The following CLDN16 variants were observed in gnomAD, a reference collection of about 807,000 sequenced individuals.
CLDN16 encodes the protein claudin-16.
A neutral mutation model predicts 24.6 loss-of-function variants in CLDN16; 13 were observed. That is an observed-to-expected ratio of 0.53 (90% CI 0.34 to 0.84). CLDN16 has a LOEUF of 0.84. Ranked by LOEUF, CLDN16 falls within the 40% of genes least tolerant of loss-of-function variation. The pLI is 0.01. For missense variants in CLDN16, 298 were observed against 292.7 expected, an observed-to-expected ratio of 1.02 and a Z score of -0.13; for synonymous variants, 116 against 106.7, an observed-to-expected ratio of 1.09 and a Z score of -0.54.
At position 190,410,153 on chromosome 3, in the gene CLDN16, TG is replaced by T. The variant is rs1184028451; in HGVS notation, c.*118del. The T allele has an allele frequency of 8.4e-7, 1 of 1,185,416 alleles. No individual in the cohort carries two copies. Among genetic ancestry groups the T allele is most frequent in the Admixed American group, 1.8e-5 (1 of 55,164 alleles). The allele number at this position is 1,185,416 out of a possible 1,614,324, so 73.4% of individuals were successfully genotyped here. On this transcript the variant is annotated 3_prime_UTR_variant, in exon 5 of 5. Coordinates refer to ENST00000264734, the MANE Select transcript of CLDN16 (RefSeq NM_006580.4). ...AGAATTCATATTGAATTAAATTAAT[TG>T]CTAGCTTAATCAAAATGTTTGATTC...
intron 1 of CLDN16, among the ~76,000 whole-genome samples, chr3:190,348,309 A>G (rs893714433): frequency 8.2e-5 from 12 of 146,280 alleles, no homozygotes; most frequent in African/African-American, 3.0e-4. Flanking sequence ...TGAGACCACA[A>G]TGTCAAGGAA....
chr3:190,406,891 A>G (rs55654563), intron 3 of CLDN16, among the ~76,000 whole-genome samples: 11 of 151,580 alleles, frequency 7.3e-5, no homozygotes, highest in South Asian at 2.1e-4. Context: ...ACAGGCGCCC[A>G]CCACCACGCC....
chr3:190,348,962 T>C (rs4686542), intron 1 of CLDN16, among the ~76,000 whole-genome samples: 98,669 of 151,936 alleles, frequency 0.65, 33,344 homozygotes, highest in East Asian at 0.93. Flanking sequence ...TAATGGTCTT[T>C]AGCTCCATCC....
intron 1 of CLDN16, among the ~76,000 whole-genome samples, chr3:190,325,279 G>A (rs1717037267): frequency 6.6e-6 from 1 of 152,130 alleles, no homozygotes; most frequent in Non-Finnish European, 1.5e-5. Flanking sequence ...GCCTTTGACT[G>A]CTCTCCTGCA....
intron 1 of CLDN16, among the ~76,000 whole-genome samples, chr3:190,325,282 C>G: frequency 6.6e-6 from 1 of 152,164 alleles, no homozygotes; most frequent in Admixed American, 6.5e-5. Context: ...TTTGACTGCT[C>G]TCCTGCAGTA....
At chr3:190,381,918 A>G (rs555264836) in intron 3 of CLDN16, among the ~76,000 whole-genome samples, 2 of 152,228 alleles carry the variant, frequency 1.3e-5, no homozygotes, top group East Asian at 1.9e-4. Context: ...AAGAGCTGAC[A>G]TTGACTTCAT....
In CLDN16 at chr3:190,411,306, G is replaced by T. The variant is rs1445499496; in HGVS notation, c.*1270G>T. On this transcript the variant is annotated 3_prime_UTR_variant, in exon 5 of 5. Transcript: ENST00000264734. ...AATAAATATTCTTCATAAAATGTGG[G>T]TTTTGGGGAAAATATAGAATTACAT... 6.6e-6 allele frequency: 1 copy of T among 152,014 alleles called. No individual in the cohort carries two copies. Among genetic ancestry groups the T allele is most frequent in the African/African-American group, 2.4e-5 (1 of 41,396 alleles). 9.4% of individuals were successfully genotyped at this position (152,014 alleles called of 1,614,324 possible). A position where few individuals can be genotyped will look rare whatever the true frequency, so the allele number is the denominator to read the frequency against.
intron 2 of CLDN16, 46 bp from the exon 3 acceptor site, chr3:190,404,716 G>A: frequency 6.2e-7 from 1 of 1,602,624 alleles, no homozygotes; most frequent in Non-Finnish European, 8.5e-7. Flanking sequence ...AGTTAATATG[G>A]TTCCTTCTTC....
intron 1 of CLDN16, among the ~76,000 whole-genome samples, chr3:190,402,125 G>A (rs1014266167): frequency 6.6e-6 from 1 of 152,178 alleles, no homozygotes; most frequent in Admixed American, 6.5e-5. Context: ...TCATGAGGAA[G>A]TGGATTCATT....
chr3:190,322,051 C>A, upstream of CLDN16: 1 of 1,614,220 alleles, frequency 6.2e-7, no homozygotes, highest in Non-Finnish European at 8.5e-7. Flanking sequence ...ACACGCAGGA[C>A]ATCCACAGCC....
intron 1 of CLDN16, among the ~76,000 whole-genome samples, chr3:190,342,519 G>A (rs1717461085): frequency 1.3e-5 from 2 of 152,134 alleles, no homozygotes; most frequent in African/African-American, 4.8e-5. Context: ...AGAGGTGAAA[G>A]ACCTGTCCCC....
chr3:190,331,190 A>G (rs565883996), intron 1 of CLDN16, among the ~76,000 whole-genome samples: 2 of 152,292 alleles, frequency 1.3e-5, no homozygotes, highest in East Asian at 3.9e-4. Context: ...TGCTGCAGAG[A>G]CCATCCTGGC....
At chr3:190,353,890 T>C (rs1577406796) in intron 1 of CLDN16, among the ~76,000 whole-genome samples, 1 of 151,984 alleles carries the variant, frequency 6.6e-6, no homozygotes, top group Non-Finnish European at 1.5e-5. Flanking sequence ...AACTTGGTGG[T>C]TTAAAGGAAT....
chr3:190,300,797 T>G, the CLDN16 span, among the ~76,000 whole-genome samples: 1 of 152,192 alleles, frequency 6.6e-6, no homozygotes, highest in African/African-American at 2.4e-5. Flanking sequence ...ACTGACACGT[T>G]TGGTTTCTAT....
At chr3:190,294,015 A>G in the CLDN16 span, among the ~76,000 whole-genome samples, 1 of 152,202 alleles carries the variant, frequency 6.6e-6, no homozygotes, top group African/African-American at 2.4e-5. Context: ...TAAGTTTGTG[A>G]CAGTTTTAGA....
intron 3 of CLDN16, among the ~76,000 whole-genome samples, chr3:190,375,544 C>A (rs1173614076): frequency 6.6e-6 from 1 of 151,926 alleles, no homozygotes; most frequent in South Asian, 2.1e-4. Flanking sequence ...CATTGCTACA[C>A]AAAGCAGATA....
intron 1 of CLDN16, among the ~76,000 whole-genome samples, chr3:190,389,478 GA>G (rs1174267674): frequency 6.6e-6 from 1 of 152,110 alleles, no homozygotes; most frequent in Non-Finnish European, 1.5e-5. Context: ...GTTCCAAATG[GA>G]AAGTAATAAT....
At chr3:190,401,928 G>T (rs570330853) in intron 1 of CLDN16, among the ~76,000 whole-genome samples, 1 of 151,942 alleles carries the variant, frequency 6.6e-6, no homozygotes, top group Non-Finnish European at 1.5e-5. Flanking sequence ...TAGACTCAAG[G>T]TGTCAACAGT....
At chr3:190,390,536 AAAGAAG>A (rs56312204) in intron 1 of CLDN16, among the ~76,000 whole-genome samples, 8 of 151,596 alleles carry the variant, frequency 5.3e-5, no homozygotes, top group East Asian at 3.9e-4. Flanking sequence ...CCATCTTAAA[AAAGAAG>A]AAGAAGAAGA....
Sources: allele counts gnomAD v4.1 joint callset (sites outside exome capture counted in the v4.1 genomes callset), GRCh38; gene constraint gnomAD v4.1.1; transcripts MANE v1.5; gene names NCBI Gene and HGNC (gene_info 2026-07-23, HGNC 2026-07-21).